BPIFB6: variants seen among roughly 807,000 people sequenced by gnomAD.
BPIFB6 encodes the protein BPI fold-containing family B member 6.
BPIFB6 carries 47 observed loss-of-function variants against 54.7 expected under a neutral mutation model. That is an observed-to-expected ratio of 0.86 (90% CI 0.68 to 1.10). BPIFB6 has a LOEUF of 1.10. BPIFB6 is among the 50% of genes least tolerant of loss of function. The pLI, the probability that BPIFB6 is intolerant of heterozygous loss-of-function variation, is 0.00. For synonymous variants in BPIFB6, 255 were observed against 225.9 expected (o/e 1.13, Z -1.16); for missense variants, 603 against 564.1 (o/e 1.07, Z -0.70).
In BPIFB6 at chr20:33,037,651, G is replaced by A. The variant is rs763574421; in HGVS notation, c.759G>A (p.Ser253=). 6.8e-6 allele frequency: 11 copies of A among 1,614,024 alleles called. No homozygotes were observed. Among genetic ancestry groups the A allele is most frequent in the South Asian group, 2.2e-5 (2 of 91,080 alleles). Reference sequence around the variant, plus strand: ...TCCCTGAGGGTTATGCCAAAGGCTCGTCGCAGCTGCTGCTCCCAGCCACCT... The same window carrying A: ...TCCCTGAGGGTTATGCCAAAGGCTCATCGCAGCTGCTGCTCCCAGCCACCT... ...LTFPEGYAKG[S]SQLLLPATFL... is the part of the protein sequence containing the mutation. The change falls in exon 8 of 15, where the codon TCG becomes TCA. Residue 253 remains serine (S), a synonymous_variant. Transcript: ENST00000349552.
In BPIFB6 at chr20:33,041,987, G is replaced by A. The variant is rs142987040; in HGVS notation, c.1160G>A (p.Arg387Gln). ...CCCCACAGATTACTGAGCTTGTCCC[G>A]GAAGTCCTCATCGATTGGCAACTTC... ...TSLDRLLSLS[R>Q]KSSSIGNFNE... is the part of the protein sequence containing the mutation. Residue 387 changes from arginine (R) to glutamine (Q), a missense_variant, in exon 12 of 15, where the codon CGG (arginine) becomes CAG (glutamine). By Grantham distance (43) the Arg-to-Gln change is conservative. Transcript: ENST00000349552. 5.8e-5 allele frequency: 93 copies of A among 1,614,078 alleles called. No individual in the cohort carries two copies. Among genetic ancestry groups the A allele is most frequent in the South Asian group, 3.8e-4 (35 of 91,066 alleles).
In BPIFB6 at chr20:33,043,305, G is replaced by A; in HGVS notation, c.1267G>A (p.Gly423Arg). The change falls in exon 14 of 15, where the codon GGG becomes AGG. Residue 423 changes from glycine (G) to arginine (R), a missense_variant. Physicochemically the swap from Gly to Arg is moderately radical, Grantham distance 125. Transcript: ENST00000349552. Reference protein sequence around the residue: ...IPVVNDVLQVGLPLPDFLAMN... With the variant: ...IPVVNDVLQVRLPLPDFLAMN... Reference sequence around the variant, plus strand: ...GTATTTCTCAGATGTGCTTCAAGTGGGGCTCCCACTCCCGGACTTTCTGGC... The same window carrying A: ...GTATTTCTCAGATGTGCTTCAAGTGAGGCTCCCACTCCCGGACTTTCTGGC... 1.2e-6 allele frequency: 2 copies of A among 1,614,112 alleles called. No individual in the cohort carries two copies. The highest frequency in any genetic ancestry group is 1.7e-6 in the Non-Finnish European group (2 of 1,179,984).
At chr20:33,038,276 C>T (rs1015500226) in intron 8 of BPIFB6, among the ~76,000 whole-genome samples, 1 of 152,124 alleles carries the variant, frequency 6.6e-6, no homozygotes, top group African/African-American at 2.4e-5. Flanking sequence ...CATCCACCCA[C>T]ATGTCCGTTC....
At chr20:33,041,488 T>G (rs1310140005) in intron 11 of BPIFB6, among the ~76,000 whole-genome samples, 1 of 151,882 alleles carries the variant, frequency 6.6e-6, no homozygotes. Context: ...GAGTGGAAAA[T>G]GGAGGATGTG....
At chr20:33,042,122 G>T in intron 12 of BPIFB6, 107 bp downstream of exon 12, 1 of 1,179,656 alleles carries the variant, frequency 8.5e-7, no homozygotes, top group Non-Finnish European at 1.2e-6. Context: ...GATGAACAGA[G>T]CAAGGCCACT....
intron 7 of BPIFB6, among the ~76,000 whole-genome samples, chr20:33,036,832 A>C (rs1979363100): frequency 6.6e-6 from 1 of 152,158 alleles, no homozygotes; most frequent in African/African-American, 2.4e-5. Flanking sequence ...TCCCCAGTGA[A>C]TGGCTGAGGA....
At chr20:33,042,756 A>G in intron 12 of BPIFB6, 59 bp from the exon 13 acceptor site, 2 of 1,502,076 alleles carry the variant, frequency 1.3e-6, no homozygotes, top group East Asian at 4.5e-5. Flanking sequence ...GGCTGAAAAG[A>G]TCTGTTGAAT....
intron 7 of BPIFB6, among the ~76,000 whole-genome samples, chr20:33,036,806 A>C (rs1230672294): frequency 6.6e-6 from 1 of 152,142 alleles, no homozygotes; most frequent in Non-Finnish European, 1.5e-5. Flanking sequence ...TCTCCTAGTG[A>C]GTGAAGCAAA....
At chr20:33,042,970 G>A in intron 13 of BPIFB6, 92 bp downstream of exon 13, 2 of 1,133,062 alleles carry the variant, frequency 1.8e-6, no homozygotes, top group Non-Finnish European at 1.3e-6. Flanking sequence ...CCCTATCACT[G>A]GGCCCAGATG....
intron 14 of BPIFB6, 143 bp from the exon 15 acceptor site, chr20:33,043,872 C>T: frequency 9.7e-7 from 1 of 1,035,054 alleles, no homozygotes; most frequent in East Asian, 2.4e-5. Flanking sequence ...GTGACCTCTC[C>T]AGGGTCACAA....
At position 33,042,691 on chromosome 20, in the gene BPIFB6, C is replaced by T. The variant is rs982984058; in HGVS notation, c.1189-124C>T. 5.6e-6 allele frequency: 5 copies of T among 897,946 alleles called. No individual in the cohort carries two copies. In the African/African-American group the frequency reaches 6.6e-5, roughly 12 times the overall value. The allele number at this position is 897,946 out of a possible 1,614,324, so 55.6% of individuals were successfully genotyped here. A position where few individuals can be genotyped will look rare whatever the true frequency, so the allele number is the denominator to read the frequency against. ...AGGCCCAGTTTTGATGCCAGCTGGA[C>T]AAACCATTTGATGTCTAATATTCAC... On this transcript the variant is annotated intron_variant, in intron 12 of 14. Transcript: ENST00000349552.
intron 3 of BPIFB6, 101 bp from the exon 4 acceptor site, chr20:33,034,662 C>G: frequency 7.3e-7 from 1 of 1,377,322 alleles, no homozygotes; most frequent in Non-Finnish European, 9.9e-7. Context: ...GTCTCCTACC[C>G]TTTCTCCCTC....
intron 1 of BPIFB6, 68 bp from the exon 2 acceptor site, chr20:33,032,916 T>C: frequency 4.7e-6 from 6 of 1,279,690 alleles, no homozygotes; most frequent in Non-Finnish European, 6.8e-6. Context: ...ACAGTGACGG[T>C]GAGTGGCCTG....
intron 11 of BPIFB6, among the ~76,000 whole-genome samples, chr20:33,040,957 C>CATATAACTGA: frequency 6.7e-6 from 1 of 149,898 alleles, no homozygotes; most frequent in South Asian, 2.1e-4. Flanking sequence ...ATCCTTGGCT[C>CATATAACTGA]ATATAACTGA....
intron 6 of BPIFB6, among the ~76,000 whole-genome samples, 161 bp downstream of exon 6, chr20:33,035,833 G>A (rs980317672): frequency 6.6e-6 from 1 of 152,168 alleles, no homozygotes; most frequent in Non-Finnish European, 1.5e-5. Context: ...CCGATGGGAG[G>A]CCTGAAGTCC....
Position 33,034,799 on chromosome 20 carries a change from G to A in BPIFB6, c.339G>A (p.Leu113=), listed in dbSNP as rs370191005. Residue 113 remains leucine, a synonymous_variant, in exon 4 of 15, where the codon CTG becomes CTA. Transcript: ENST00000349552. ...MGGNMEIIVA[L]NITATNRLLR... ...GGAACATGGAGATCATCGTGGCCCT[G>A]AACATCACAGCCACCAACCGGCTTC... 1.9e-6 allele frequency: 3 copies of A among 1,613,740 alleles called. No individual in the cohort carries two copies. In the South Asian group the frequency reaches 3.3e-5, roughly 18 times the overall value.
intron 11 of BPIFB6, among the ~76,000 whole-genome samples, chr20:33,040,677 C>T (rs754388155): frequency 6.6e-6 from 1 of 152,226 alleles, no homozygotes; most frequent in South Asian, 2.1e-4. Context: ...ACCTCCTCCA[C>T]GAAGCCTTTC....
intron 12 of BPIFB6, among the ~76,000 whole-genome samples, chr20:33,042,418 T>C (rs1979629752): frequency 6.6e-6 from 1 of 152,164 alleles, no homozygotes; most frequent in Non-Finnish European, 1.5e-5. Context: ...TTAATCCTCA[T>C]GGAAACCCTG....
chr20:33,038,577 T>C (rs556086097), intron 8 of BPIFB6, among the ~76,000 whole-genome samples: 1 of 152,332 alleles, frequency 6.6e-6, no homozygotes, highest in South Asian at 2.1e-4. Flanking sequence ...CCTCTGTTTA[T>C]CCGTTTCCCC....
Sources: gnomAD v4.1 joint callset for allele counts (sites outside exome capture counted in the v4.1 genomes callset) on GRCh38, gnomAD v4.1.1 for gene constraint, MANE v1.5 for transcripts, NCBI Gene and HGNC (gene_info 2026-07-23, HGNC 2026-07-21) for gene names.